ZBTB20: variants seen among roughly 807,000 people sequenced by gnomAD.
The protein encoded by ZBTB20 is zinc finger and BTB domain-containing protein 20.
ZBTB20 carries 9 observed loss-of-function variants against 56.9 expected under a neutral mutation model. The ratio of observed to expected loss-of-function variants is 0.16; its 90% confidence interval spans 0.10 to 0.28. ZBTB20 has a LOEUF of 0.28. Among genes scored for constraint, ZBTB20 ranks in the 10% least tolerant of loss-of-function variants. The pLI is 1.00. For missense variants in ZBTB20, 655 were observed against 1,003.0 expected (o/e 0.65, Z 4.69); for synonymous variants, 417 against 420.7 (o/e 0.99, Z 0.11).
At chr3:114,668,071 T>G (rs1459530665) in intron 6 of ZBTB20, among the ~76,000 whole-genome samples, 1 of 152,120 alleles carries the variant, frequency 6.6e-6, no homozygotes, top group Non-Finnish European at 1.5e-5. Context: ...TAATCCTTTC[T>G]TTCAGATTAT....
intron 5 of ZBTB20, among the ~76,000 whole-genome samples, chr3:114,739,271 G>A (rs2066405861): frequency 6.6e-6 from 1 of 152,306 alleles, no homozygotes; most frequent in East Asian, 1.9e-4. Context: ...GAGAACTACA[G>A]TCTTAAGGCA....
At chr3:114,362,429 A>G (rs2081985232) in intron 10 of ZBTB20, among the ~76,000 whole-genome samples, 1 of 152,162 alleles carries the variant, frequency 6.6e-6, no homozygotes, top group Admixed American at 6.5e-5. Flanking sequence ...TCTTCGCTAC[A>G]CTTCACAAAC....
intron 5 of ZBTB20, among the ~76,000 whole-genome samples, chr3:114,728,328 T>C (rs1391467197): frequency 6.6e-6 from 1 of 152,198 alleles, no homozygotes; most frequent in East Asian, 1.9e-4. Flanking sequence ...AGAGAAAGTA[T>C]TAATAGTATA....
In ZBTB20 at chr3:115,112,871, C is replaced by T. The variant is rs139170162; in HGVS notation, c.-703+34348G>A. Among the ~76,000 whole-genome samples, 1,098 of 152,246 alleles carry T rather than the reference C, an allele frequency of 7.2e-3. 27 individuals carry two copies. Among genetic ancestry groups the T allele is most frequent in the African/African-American group, 0.025 (1,054 of 41,540 alleles). ...TTTCATTTTATGAAAAATGTCCATA[C>T]TGTTTTTCATAGGGGCTGTACTTAT... On this transcript the variant is annotated intron_variant, in intron 1 of 11. Coordinates refer to ENST00000675478, the MANE Select transcript of ZBTB20 (RefSeq NM_001348800.3).
chr3:114,944,500 C>T lies in ZBTB20; in HGVS notation c.-456+29866G>A, dbSNP rs60464075. 1.5e-3 allele frequency among the ~76,000 whole-genome samples: 221 copies of T among 145,412 alleles called. 47 individuals are homozygous for T. Among genetic ancestry groups the T allele is most frequent in the African/African-American group, 5.9e-3 (210 of 35,824 alleles). ...CAGGATATATATCCTGAGGAACTGA[C>T]GTTAGTATGTTGAAGAGATATCTGC... On this transcript the variant is annotated intron_variant, in intron 3 of 11. Coordinates refer to ENST00000675478, the MANE Select transcript of ZBTB20 (RefSeq NM_001348800.3).
intron 5 of ZBTB20, among the ~76,000 whole-genome samples, chr3:114,769,012 T>C (rs533777436): frequency 2.0e-5 from 3 of 152,322 alleles, no homozygotes; most frequent in South Asian, 4.1e-4. Context: ...ATAGCACTTA[T>C]TCTTTCACGA....
At chr3:114,538,756 A>T (rs1197058971) in intron 6 of ZBTB20, among the ~76,000 whole-genome samples, 1 of 152,188 alleles carries the variant, frequency 6.6e-6, no homozygotes, top group Middle Eastern at 3.2e-3. Flanking sequence ...AAATCACCTA[A>T]GAACTGTTTT....
chr3:114,865,382 G>A (rs775032356), intron 4 of ZBTB20, among the ~76,000 whole-genome samples: 7 of 152,074 alleles, frequency 4.6e-5, no homozygotes, highest in East Asian at 1.9e-4. Context: ...GAAATTCTGC[G>A]TCTTCTTGTC....
chr3:114,505,610 A>G (rs1028038416), intron 6 of ZBTB20, among the ~76,000 whole-genome samples: 1 of 152,066 alleles, frequency 6.6e-6, no homozygotes, highest in African/African-American at 2.4e-5. Context: ...ATGGGTTTAT[A>G]TGTTTGTTTT....
At chr3:114,594,934 T>C (rs2056178444) in intron 6 of ZBTB20, among the ~76,000 whole-genome samples, 1 of 152,240 alleles carries the variant, frequency 6.6e-6, no homozygotes, top group African/African-American at 2.4e-5. Flanking sequence ...AAGCTGTGCA[T>C]GTTAGTCTAA....
At chr3:114,617,592 C>G (rs1168953071) in intron 6 of ZBTB20, among the ~76,000 whole-genome samples, 3 of 152,204 alleles carry the variant, frequency 2.0e-5, no homozygotes, top group Non-Finnish European at 4.4e-5. Context: ...TTGTATTCAT[C>G]TTTGTATTGT....
intron 3 of ZBTB20, among the ~76,000 whole-genome samples, chr3:114,963,412 CTGCT>C (rs2077528349): frequency 6.6e-6 from 1 of 152,118 alleles, no homozygotes; most frequent in Admixed American, 6.5e-5. Context: ...ATCTATAAAG[CTGCT>C]TCTGGAGAAC....
At chr3:114,801,687 T>A (rs1445100865) in intron 4 of ZBTB20, among the ~76,000 whole-genome samples, 1 of 151,878 alleles carries the variant, frequency 6.6e-6, no homozygotes, top group Non-Finnish European at 1.5e-5. Context: ...GTGAGGTAGA[T>A]GGTGAAGAAG....
At chr3:114,987,485 A>G (rs1227637450) in intron 2 of ZBTB20, among the ~76,000 whole-genome samples, 1 of 152,194 alleles carries the variant, frequency 6.6e-6, no homozygotes, top group East Asian at 1.9e-4. Context: ...CCTCATATGA[A>G]GGAGAAATCA....
At chr3:114,782,316 GTTAA>G (rs1489256660) in intron 5 of ZBTB20, among the ~76,000 whole-genome samples, 1 of 152,126 alleles carries the variant, frequency 6.6e-6, no homozygotes, top group Non-Finnish European at 1.5e-5. Context: ...GAATGACTTA[GTTAA>G]TTAATAACAG....
In ZBTB20 at chr3:114,399,511, A is replaced by G. The variant is rs141078799; in HGVS notation, c.-254-10406T>C. Among the ~76,000 whole-genome samples, 7 of 152,298 alleles carry G rather than the reference A, an allele frequency of 4.6e-5. No individual in the cohort carries two copies. In the East Asian group the frequency reaches 1.2e-3, roughly 25 times the overall value. On this transcript the variant is annotated intron_variant, in intron 7 of 11. Coordinates refer to ENST00000675478, the MANE Select transcript of ZBTB20 (RefSeq NM_001348800.3). ...TGTTGGTTATTAGTAGTAATCAATA[A>G]TAAGTATTTTTTAAATTGGAATTTT...
At chr3:114,371,079 T>C (rs551963307) in intron 10 of ZBTB20, among the ~76,000 whole-genome samples, 2 of 152,164 alleles carry the variant, frequency 1.3e-5, no homozygotes, top group African/African-American at 4.8e-5. Context: ...GCTGCCAAAT[T>C]AGATCTTCTC....
intron 1 of ZBTB20, among the ~76,000 whole-genome samples, chr3:115,125,319 G>A (rs1267430244): frequency 6.6e-6 from 1 of 151,014 alleles, no homozygotes; most frequent in African/African-American, 2.4e-5. Flanking sequence ...CTGCAGCCTG[G>A]GCAACAGAGC....
At chr3:114,396,610 G>T (rs2086359281) in intron 7 of ZBTB20, among the ~76,000 whole-genome samples, 1 of 152,126 alleles carries the variant, frequency 6.6e-6, no homozygotes, top group Non-Finnish European at 1.5e-5. Flanking sequence ...TAAGGGCCAG[G>T]TTCTAACCAC....
Sources: gnomAD v4.1 joint callset for allele counts (sites outside exome capture counted in the v4.1 genomes callset) on GRCh38, gnomAD v4.1.1 for gene constraint, MANE v1.5 for transcripts, NCBI Gene and HGNC (gene_info 2026-07-23, HGNC 2026-07-21) for gene names.